Variants in ERC2 observed in about 807,000 individuals in gnomAD.
The protein encoded by ERC2 is ERC protein 2.
Under a neutral mutation model 114.8 loss-of-function variants are expected in ERC2, and 42 were observed. The observed-to-expected ratio is 0.37, with a 90% confidence interval of 0.29 to 0.47. The LOEUF (loss-of-function observed/expected upper bound fraction) is 0.47. Ranked by LOEUF, ERC2 falls within the 20% of genes least tolerant of loss-of-function variation. The pLI is 0.99. For synonymous variants in ERC2, 454 were observed against 425.5 expected, an observed-to-expected ratio of 1.07 and a Z score of -0.82; for missense variants, 939 against 1,150.7, an observed-to-expected ratio of 0.82 and a Z score of 2.66.
chr3:56,252,542 G>A (rs918981759), intron 3 of ERC2, among the ~76,000 whole-genome samples: 1 of 152,062 alleles, frequency 6.6e-6, no homozygotes, highest in Non-Finnish European at 1.5e-5. Context: ...ATTGCCTGAG[G>A]TCAGGAGTTT....
At chr3:56,280,055 G>A (rs1223172379) in intron 3 of ERC2, among the ~76,000 whole-genome samples, 1 of 152,160 alleles carries the variant, frequency 6.6e-6, no homozygotes, top group Non-Finnish European at 1.5e-5. Flanking sequence ...GTAATCATAA[G>A]GGTTTTGATA....
At chr3:56,339,701 C>T (rs563441493) in intron 2 of ERC2, among the ~76,000 whole-genome samples, 1 of 152,274 alleles carries the variant, frequency 6.6e-6, no homozygotes, top group South Asian at 2.1e-4. Context: ...CCTTACTCCA[C>T]CCTCTCTCCA....
intron 14 of ERC2, among the ~76,000 whole-genome samples, chr3:55,768,448 C>T (rs1481224748): frequency 6.6e-6 from 1 of 152,066 alleles, no homozygotes; most frequent in African/African-American, 2.4e-5. Context: ...CTAGGTTTTG[C>T]CTTCCTGAAA....
chr3:56,274,958 T>G (rs908126729), intron 3 of ERC2, among the ~76,000 whole-genome samples: 6 of 152,238 alleles, frequency 3.9e-5, no homozygotes, highest in African/African-American at 1.4e-4. Flanking sequence ...AAAATCCAGT[T>G]GCTATAGTGC....
chr3:55,811,756 G>A (rs1025622516), intron 14 of ERC2, among the ~76,000 whole-genome samples: 2 of 152,018 alleles, frequency 1.3e-5, no homozygotes, highest in Non-Finnish European at 2.9e-5. Context: ...CCTGTGTTAC[G>A]TATCCCATTC....
chr3:55,733,451 TTCTC>T (rs369451798), intron 15 of ERC2, among the ~76,000 whole-genome samples: 28 of 96,564 alleles, frequency 2.9e-4, no homozygotes, highest in African/African-American at 8.6e-4. Flanking sequence ...CTGTCTCTCA[TTCTC>T]TCTCTCTCTC....
At chr3:55,589,566 A>G (rs1575679766) in intron 17 of ERC2, among the ~76,000 whole-genome samples, 1 of 152,072 alleles carries the variant, frequency 6.6e-6, no homozygotes, top group South Asian at 2.1e-4. Context: ...AAGGATAAAA[A>G]CCACCACCAC....
rs141875834 is a variant in ERC2 at position 55,593,591 on chromosome 3, A to G, written c.*40-82315T>C. ...TTTCCCTTAAGAGAAAGTCAAGTCC[A>G]TTTAGCATGTGCCTCACTGATGACA... On this transcript the variant is annotated intron_variant, in intron 17 of 17. Transcript: ENST00000288221. Among the ~76,000 whole-genome samples the G allele has an allele frequency of 5.0e-3, 768 of 152,292 alleles. 7 individuals are homozygous for G. The highest frequency in any genetic ancestry group is 0.018 in the African/African-American group (736 of 41,566).
In ERC2 at chr3:55,508,679, C is replaced by T. The variant is rs541227326; in HGVS notation, c.*2637G>A. 1.5e-4 allele frequency: 23 copies of T among 152,686 alleles called. No individual in the cohort carries two copies. Among genetic ancestry groups the T allele is most frequent in the Non-Finnish European group, 4.4e-5 (3 of 68,026 alleles). The allele number at this position is 152,686 out of a possible 1,614,324, so 9.5% of individuals were successfully genotyped here. ...ACATTGCAGATAGAGCTTACGTCAACACATCTGAGGTCTCGTCATAAACAC... is the reference window on the plus strand; with the variant it reads ...ACATTGCAGATAGAGCTTACGTCAATACATCTGAGGTCTCGTCATAAACAC... On this transcript the variant is annotated 3_prime_UTR_variant, in exon 18 of 18. Coordinates refer to ENST00000288221, the MANE Select transcript of ERC2 (RefSeq NM_015576.3).
At chr3:55,742,171 C>T (rs2066004701) in intron 14 of ERC2, among the ~76,000 whole-genome samples, 2 of 152,092 alleles carry the variant, frequency 1.3e-5, no homozygotes, top group African/African-American at 4.8e-5. Flanking sequence ...AGATAAATGC[C>T]TTCTTTTGAG....
At chr3:56,413,023 C>A (rs989873190) in intron 2 of ERC2, among the ~76,000 whole-genome samples, 2 of 152,190 alleles carry the variant, frequency 1.3e-5, no homozygotes, top group African/African-American at 4.8e-5. Context: ...CAACTTACAC[C>A]TCTTAGCCAG....
chr3:56,361,264 A>C (rs2058947257), intron 2 of ERC2, among the ~76,000 whole-genome samples: 1 of 152,156 alleles, frequency 6.6e-6, no homozygotes, highest in South Asian at 2.1e-4. Flanking sequence ...AGGCACACTC[A>C]TGGGGTGGGG....
intron 13 of ERC2, among the ~76,000 whole-genome samples, chr3:55,929,366 ACTGCC>A (rs1297305899): frequency 6.6e-6 from 1 of 152,186 alleles, no homozygotes; most frequent in African/African-American, 2.4e-5. Context: ...CCTCACAGGT[ACTGCC>A]CTGCCCTTCT....
At chr3:55,954,977 G>A (rs559676778) in intron 12 of ERC2, among the ~76,000 whole-genome samples, 4 of 152,006 alleles carry the variant, frequency 2.6e-5, no homozygotes, top group African/African-American at 4.8e-5. Flanking sequence ...AATCAGGCTC[G>A]CTAAAAAGAT....
At chr3:56,021,737 A>G (rs557115912) in intron 7 of ERC2, among the ~76,000 whole-genome samples, 1 of 152,172 alleles carries the variant, frequency 6.6e-6, no homozygotes, top group Admixed American at 6.5e-5. Flanking sequence ...TTCCCCACTC[A>G]AGTGGACCCC....
chr3:56,255,379 C>T (rs1488843834), intron 3 of ERC2, among the ~76,000 whole-genome samples: 1 of 152,208 alleles, frequency 6.6e-6, no homozygotes, highest in Non-Finnish European at 1.5e-5. Context: ...TTCCAACTGT[C>T]TCAGCTCCCT....
At chr3:55,728,938 C>A (rs1181983562) in intron 15 of ERC2, among the ~76,000 whole-genome samples, 1 of 152,196 alleles carries the variant, frequency 6.6e-6, no homozygotes, top group African/African-American at 2.4e-5. Flanking sequence ...GTGGCCCCAA[C>A]GGAAGCAGCA....
chr3:55,690,785 C>G (rs924494728), intron 16 of ERC2, among the ~76,000 whole-genome samples: 3 of 152,208 alleles, frequency 2.0e-5, no homozygotes, highest in Non-Finnish European at 4.4e-5. Flanking sequence ...CAGTGAAGAC[C>G]CTACCTGGCA....
chr3:56,329,043 CTATT>C (rs2057491482), intron 2 of ERC2, among the ~76,000 whole-genome samples: 1 of 152,180 alleles, frequency 6.6e-6, no homozygotes, highest in South Asian at 2.1e-4. Flanking sequence ...AGATATTTCT[CTATT>C]TATTTCCACT....
Sources: allele counts gnomAD v4.1 joint callset (sites outside exome capture counted in the v4.1 genomes callset), GRCh38; gene constraint gnomAD v4.1.1; transcripts MANE v1.5; gene names NCBI Gene and HGNC (gene_info 2026-07-23, HGNC 2026-07-21).